The following MYPN variants were observed in gnomAD, a reference collection of about 807,000 sequenced individuals.
MYPN encodes the protein sarcomeric protein myopalladin, 145 kDa (MYOP).
Under a neutral mutation model 129.4 loss-of-function variants are expected in MYPN, and 63 were observed. That is an observed-to-expected ratio of 0.49 (90% CI 0.40 to 0.60). The LOEUF (loss-of-function observed/expected upper bound fraction) is 0.60, where lower values mean the gene tolerates loss of function less well. MYPN is among the 20% of genes least tolerant of loss of function. The probability of loss-of-function intolerance (pLI) is 0.00; values close to 1 mark genes in which losing one functional copy is unlikely to be tolerated. For missense variants in MYPN, 1,596 were observed against 1,635.4 expected, an observed-to-expected ratio of 0.98 and a Z score of 0.42; for synonymous variants, 629 against 600.9, an observed-to-expected ratio of 1.05 and a Z score of -0.68.
chr10:68,142,795 CA>C (rs1346008960), intron 2 of MYPN, 144 bp from the exon 3 acceptor site: 15 of 820,620 alleles, frequency 1.8e-5, no homozygotes, highest in Non-Finnish European at 2.5e-5. Context: ...CTCACTGTTA[CA>C]AAAAAATAAT....
Position 68,189,008 on chromosome 10 carries a change from A to T in MYPN, c.2807A>T (p.Glu936Val). 1 of 1,614,152 alleles carries T rather than the reference A, an allele frequency of 6.2e-7. No individual in the cohort carries two copies. The highest frequency in any genetic ancestry group is 8.5e-7 in the Non-Finnish European group (1 of 1,180,018). The change falls in exon 13 of 20, where the codon GAG (glutamate) becomes GTG (valine). Residue 936 changes from glutamate (E) to valine (V), a missense_variant. By Grantham distance (121) the Glu-to-Val change is moderately radical. Coordinates refer to ENST00000358913, the MANE Select transcript of MYPN (RefSeq NM_032578.4). Reference sequence around the variant, plus strand: ...TCAGATGATGAAATTCAACATGATGAGATCCCCACGGGCAAGTGTATTGCT... The same window carrying T: ...TCAGATGATGAAATTCAACATGATGTGATCCCCACGGGCAAGTGTATTGCT... ...DESDDEIQHD[E>V]IPTGKCIAPI...
intron 2 of MYPN, chr10:68,136,084 A>G (rs1292150535): frequency 3.8e-6 from 1 of 263,524 alleles, no homozygotes; most frequent in East Asian, 1.8e-4. Context: ...ACAATGAGTC[A>G]TAATATTTAT....
intron 1 of MYPN, among the ~76,000 whole-genome samples, chr10:68,094,156 T>C: frequency 6.6e-6 from 1 of 152,180 alleles, no homozygotes; most frequent in Non-Finnish European, 1.5e-5. Context: ...CTTTACGATC[T>C]ATATCTTGTG....
At chr10:68,147,050 C>T (rs576287662) in intron 4 of MYPN, among the ~76,000 whole-genome samples, 2 of 152,244 alleles carry the variant, frequency 1.3e-5, no homozygotes, top group South Asian at 4.1e-4. Context: ...TTACAATGAG[C>T]CATAGAGAGA....
In MYPN at chr10:68,175,279, C is replaced by T. The variant is rs369741454; in HGVS notation, c.2565-44C>T. 3 of 1,611,492 alleles carry T rather than the reference C, an allele frequency of 1.9e-6. No individual in the cohort carries two copies. The African/African-American group carries it at 4.0e-5, about 22-fold the overall frequency. ...TGATTTCTAGGCCTTTTTACCCTGGCCAGTGCTTTTCATGGGTGTGTCAGG... is the reference window on the plus strand; with the variant it reads ...TGATTTCTAGGCCTTTTTACCCTGGTCAGTGCTTTTCATGGGTGTGTCAGG... On this transcript the variant is annotated intron_variant, in intron 11 of 19. Coordinates refer to ENST00000358913, the MANE Select transcript of MYPN (RefSeq NM_032578.4).
At chr10:68,136,771 C>G (rs1295893974) in intron 2 of MYPN, 1 of 1,512,456 alleles carries the variant, frequency 6.6e-7, no homozygotes. Flanking sequence ...TTAGATAATC[C>G]TATAATGTTT....
chr10:68,161,920 T>G, intron 8 of MYPN, 168 bp downstream of exon 8: 1 of 538,324 alleles, frequency 1.9e-6, no homozygotes, highest in Non-Finnish European at 3.3e-6. Flanking sequence ...TCCAGCACTT[T>G]GCGAGGCCGA....
Position 68,210,367 on chromosome 10 carries a change from T to C in MYPN, c.3875T>C (p.Leu1292Pro), listed in dbSNP as rs751186631. 2.5e-6 allele frequency: 4 copies of C among 1,614,192 alleles called. No individual in the cohort carries two copies. In the African/African-American group the frequency reaches 4.0e-5, roughly 16 times the overall value. Residue 1292 changes from leucine to proline, a missense_variant, in exon 20 of 20, where the codon CTT becomes CCT. Coordinates refer to ENST00000358913, the MANE Select transcript of MYPN (RefSeq NM_032578.4). ...SRYGSLTSKG[L>P]DIFSAFSSME... ...TACGGATCTCTCACCAGTAAAGGAC[T>C]TGACATATTTTCTGCCTTTTCCTCC...
At chr10:68,104,698 T>C (rs2041999084), upstream of MYPN, among the ~76,000 whole-genome samples, 1 of 152,218 alleles carries the variant, frequency 6.6e-6, no homozygotes, top group South Asian at 2.1e-4. Flanking sequence ...AGGGTCGGTT[T>C]CAGTCAGAAA....
In MYPN at chr10:68,138,083, A is replaced by G. The variant is rs552418361; in HGVS notation, c.903-4857A>G. On this transcript the variant is annotated intron_variant, in intron 2 of 19. Coordinates refer to ENST00000358913, the MANE Select transcript of MYPN (RefSeq NM_032578.4). ...TTCATCAAGGACATTTTTTGGTGAA[A>G]TGGAATTTTTCTTTTTCTTTTTTCT... Among the ~76,000 whole-genome samples the G allele has an allele frequency of 4.6e-5, 7 of 151,458 alleles. No homozygotes were observed. In the South Asian group the frequency reaches 1.5e-3, roughly 32 times the overall value.
At chr10:68,210,172 T>C in intron 19 of MYPN, 114 bp from the exon 20 acceptor site, 2 of 1,209,354 alleles carry the variant, frequency 1.7e-6, no homozygotes, top group Non-Finnish European at 1.2e-6. Flanking sequence ...TATAGTTATA[T>C]GCTTTACCAA....
chr10:68,166,273 G>T, intron 9 of MYPN, 21 bp from the exon 10 acceptor site: 3 of 1,613,898 alleles, frequency 1.9e-6, no homozygotes, highest in Non-Finnish European at 2.5e-6. Flanking sequence ...GACAGCTCAG[G>T]TCCTGTGATT....
chr10:68,182,312 CATATATATAACAT>C (rs2043332716), intron 12 of MYPN, among the ~76,000 whole-genome samples: 1 of 12,988 alleles, frequency 7.7e-5, no homozygotes, highest in African/African-American at 1.1e-4. Flanking sequence ...ATAACACACA[CATATATATAACAT>C]ATATATAACA....
intron 10 of MYPN, among the ~76,000 whole-genome samples, chr10:68,171,156 A>G (rs1436533359): frequency 6.6e-6 from 1 of 151,224 alleles, no homozygotes; most frequent in African/African-American, 2.4e-5. Flanking sequence ...CAAAAAAAAA[A>G]AAGAAAGAAA....
At chr10:68,198,194 G>A (rs1259979374) in intron 16 of MYPN, among the ~76,000 whole-genome samples, 1 of 152,116 alleles carries the variant, frequency 6.6e-6, no homozygotes, top group Admixed American at 6.5e-5. Context: ...TGTCTGGAAG[G>A]CCTTTATTAC....
chr10:68,168,323 G>T (rs562022479), intron 10 of MYPN, among the ~76,000 whole-genome samples: 7 of 152,280 alleles, frequency 4.6e-5, no homozygotes, highest in Admixed American at 2.0e-4. Context: ...ACAGGGAACA[G>T]GTAACCCCAA....
At chr10:68,152,557 AG>A (rs1341274437) in intron 6 of MYPN, among the ~76,000 whole-genome samples, 1 of 152,198 alleles carries the variant, frequency 6.6e-6, no homozygotes, top group Non-Finnish European at 1.5e-5. Flanking sequence ...ACTAGATAGG[AG>A]TCCATAGAGG....
chr10:68,206,744 T>C (rs2043821795), intron 18 of MYPN, 26 bp from the exon 19 acceptor site: 2 of 1,613,844 alleles, frequency 1.2e-6, no homozygotes, highest in African/African-American at 1.3e-5. Context: ...CGATAAAATA[T>C]AGGTATATTC....
At chr10:68,147,849 G>T (rs1008300209) in intron 4 of MYPN, among the ~76,000 whole-genome samples, 4 of 152,110 alleles carry the variant, frequency 2.6e-5, no homozygotes, top group Admixed American at 1.3e-4. Context: ...AATTTAATTT[G>T]TGTAAACTTG....
Sources: allele counts gnomAD v4.1 joint callset (sites outside exome capture counted in the v4.1 genomes callset), GRCh38; gene constraint gnomAD v4.1.1; transcripts MANE v1.5; gene names NCBI Gene and HGNC (gene_info 2026-07-23, HGNC 2026-07-21).